Variants in STAG1 observed in about 807,000 individuals in gnomAD.
STAG1 encodes STAG1 cohesin complex component.
In STAG1, 26 loss-of-function variants were observed where a neutral mutation model predicts 170.9. The ratio of observed to expected loss-of-function variants is 0.15; its 90% CI spans 0.11 to 0.21. The LOEUF (loss-of-function observed/expected upper bound fraction) is 0.21, where lower values mean the gene tolerates loss of function less well. Ranked by LOEUF, STAG1 falls within the 10% of genes least tolerant of loss-of-function variation. The pLI is 1.00. For missense variants in STAG1, 964 were observed against 1,509.5 expected, an observed-to-expected ratio of 0.64 and a Z score of 5.99; for synonymous variants, 514 against 497.7, an observed-to-expected ratio of 1.03 and a Z score of -0.44.
intron 15 of STAG1, among the ~76,000 whole-genome samples, chr3:136,437,412 C>T (rs1207205584): frequency 6.6e-6 from 1 of 152,208 alleles, no homozygotes; most frequent in Non-Finnish European, 1.5e-5. Context: ...AAGCCACAGG[C>T]AAGAGCCAAA....
intron 22 of STAG1, among the ~76,000 whole-genome samples, chr3:136,379,964 T>C (rs1408428223): frequency 6.6e-6 from 1 of 152,074 alleles, no homozygotes; most frequent in Non-Finnish European, 1.5e-5. Flanking sequence ...CTAAACACAA[T>C]GGAGAATGAT....
intron 4 of STAG1, among the ~76,000 whole-genome samples, chr3:136,604,011 T>C (rs1576656347): frequency 6.6e-6 from 1 of 152,174 alleles, no homozygotes; most frequent in South Asian, 2.1e-4. Flanking sequence ...AAGACACATG[T>C]GTTACTTACA....
At chr3:136,535,593 G>A (rs1235457511) in intron 6 of STAG1, among the ~76,000 whole-genome samples, 7 of 152,342 alleles carry the variant, frequency 4.6e-5, no homozygotes, top group South Asian at 2.1e-4. Context: ...AACTTGGGAG[G>A]TGGAGGTTGC....
At chr3:136,661,582 A>G (rs1941579638) in intron 1 of STAG1, among the ~76,000 whole-genome samples, 1 of 152,178 alleles carries the variant, frequency 6.6e-6, no homozygotes. Flanking sequence ...TCCCCAAGAT[A>G]TCTCATTATG....
chr3:136,651,181 G>A (rs186545829), intron 1 of STAG1, among the ~76,000 whole-genome samples: 8 of 151,990 alleles, frequency 5.3e-5, no homozygotes, highest in Non-Finnish European at 7.4e-5. Context: ...CATGGGCAAC[G>A]CAGTGAGCTC....
chr3:136,431,690 A>T (rs146511934), intron 16 of STAG1, among the ~76,000 whole-genome samples: 29 of 152,242 alleles, frequency 1.9e-4, no homozygotes, highest in African/African-American at 6.0e-4. Flanking sequence ...AATCTTATTA[A>T]ATTTGTAATT....
At chr3:136,465,948 A>C (rs111935917) in intron 12 of STAG1, among the ~76,000 whole-genome samples, 7 of 152,132 alleles carry the variant, frequency 4.6e-5, no homozygotes, top group African/African-American at 1.4e-4. Context: ...TGAGGCTAAG[A>C]AAATAGAGGG....
intron 28 of STAG1, among the ~76,000 whole-genome samples, chr3:136,352,564 A>T (rs1936474833): frequency 6.6e-6 from 1 of 152,180 alleles, no homozygotes; most frequent in African/African-American, 2.4e-5. Context: ...GCCCACAAAG[A>T]TTTCAAAGCA....
intron 4 of STAG1, among the ~76,000 whole-genome samples, chr3:136,583,810 AAAC>A: frequency 6.6e-6 from 1 of 152,262 alleles, no homozygotes; most frequent in South Asian, 2.1e-4. Context: ...TAAAAAACAA[AAAC>A]AAAAACAAAA....
chr3:136,672,694 T>TCCACC (rs1402667405), intron 1 of STAG1, among the ~76,000 whole-genome samples: 1 of 152,086 alleles, frequency 6.6e-6, no homozygotes, highest in Non-Finnish European at 1.5e-5. Context: ...ACCACTCCAC[T>TCCACC]CCACCCCGCA....
In STAG1 at chr3:136,537,787, C is replaced by T. The variant is rs1018964159; in HGVS notation, c.471+4332G>A. ...CTGGGATTATAGGTACGAGTCACTG[C>T]GCCTGGCCAATAGTATCTATTTTTA... is the stretch of plus-strand genomic sequence containing the variant. On this transcript the variant is annotated intron_variant, in intron 6 of 33. Transcript: ENST00000383202. Among the ~76,000 whole-genome samples the T allele has an allele frequency of 2.8e-4, 42 of 151,972 alleles. 1 individual carries two copies. Among genetic ancestry groups the T allele is most frequent in the Admixed American group, 2.5e-3 (38 of 15,242 alleles).
intron 1 of STAG1, 85 bp downstream of exon 1, chr3:136,752,110 A>T (rs1348217257): frequency 6.5e-6 from 1 of 153,034 alleles, no homozygotes; most frequent in Non-Finnish European, 1.5e-5. Flanking sequence ...TCCATCTTGG[A>T]TCGGCGCTTC....
At chr3:136,405,706 A>C (rs992527289) in intron 21 of STAG1, among the ~76,000 whole-genome samples, 6 of 147,426 alleles carry the variant, frequency 4.1e-5, no homozygotes, top group Non-Finnish European at 8.9e-5. Context: ...AATACAAAAA[A>C]TTAGCTGGGT....
chr3:136,389,210 T>G (rs541590438), intron 22 of STAG1, among the ~76,000 whole-genome samples: 30 of 152,342 alleles, frequency 2.0e-4, no homozygotes, highest in Admixed American at 1.2e-3. Context: ...GAAGTTTGGA[T>G]ATTTGTAAAC....
intron 22 of STAG1, among the ~76,000 whole-genome samples, chr3:136,392,739 C>A (rs1402638747): frequency 6.8e-6 from 1 of 146,370 alleles, no homozygotes; most frequent in East Asian, 2.0e-4. Context: ...GCATTCCACC[C>A]TGGGTGACAG....
At chr3:136,375,199 T>C (rs1487431287) in intron 23 of STAG1, among the ~76,000 whole-genome samples, 1 of 152,218 alleles carries the variant, frequency 6.6e-6, no homozygotes, top group Non-Finnish European at 1.5e-5. Context: ...AAACCATTCA[T>C]ATAAAAACCA....
At chr3:136,491,039 T>C (rs1004257232) in intron 9 of STAG1, among the ~76,000 whole-genome samples, 1 of 152,222 alleles carries the variant, frequency 6.6e-6, no homozygotes, top group Non-Finnish European at 1.5e-5. Flanking sequence ...CATTAAGTTT[T>C]TTTAATCTGA....
rs541119076 is a variant in STAG1, at chr3:136,700,553, G to A, written c.-84+51642C>T. Among the ~76,000 whole-genome samples, 4 of 151,852 alleles carry A rather than the reference G, an allele frequency of 2.6e-5. No homozygotes were observed. In the East Asian group the frequency reaches 7.8e-4, roughly 29 times the overall value. Reference sequence around the variant, plus strand: ...TCCTGCCTCAGCCTCCCAAGCAGCTGGGATTACAGGTGCCCGCTACCACGC... The same window carrying A: ...TCCTGCCTCAGCCTCCCAAGCAGCTAGGATTACAGGTGCCCGCTACCACGC... On this transcript the variant is annotated intron_variant, in intron 1 of 33. Transcript: ENST00000383202.
chr3:136,565,211 T>C (rs1937032467), intron 5 of STAG1, among the ~76,000 whole-genome samples: 1 of 151,962 alleles, frequency 6.6e-6, no homozygotes, highest in Non-Finnish European at 1.5e-5. Context: ...TGTAAACCTA[T>C]TGTGCACCAA....
Sources: allele counts gnomAD v4.1 joint callset (sites outside exome capture counted in the v4.1 genomes callset), GRCh38; gene constraint gnomAD v4.1.1; transcripts MANE v1.5; gene names NCBI Gene and HGNC (gene_info 2026-07-23, HGNC 2026-07-21).